QRFPR: variants seen among roughly 807,000 people sequenced by gnomAD.
The protein encoded by QRFPR is pyroglutamylated RFamide peptide receptor.
A neutral mutation model predicts 31.3 loss-of-function variants in QRFPR; 37 were observed. The ratio of observed to expected loss-of-function variants is 1.18; its 90% CI spans 0.91 to 1.56. QRFPR has a LOEUF of 1.56. Among genes scored for constraint, QRFPR ranks in the 40% most tolerant of loss-of-function variants. The pLI, the probability that QRFPR is intolerant of heterozygous loss-of-function variation, is 0.00. For missense variants in QRFPR, 542 were observed against 532.5 expected (o/e 1.02, Z -0.18); for synonymous variants, 197 against 192.0 (o/e 1.03, Z -0.22).
chr4:121,330,544 T>G, intron 4 of QRFPR, 21 bp from the exon 5 acceptor site: 1 of 1,584,022 alleles, frequency 6.3e-7, no homozygotes, highest in South Asian at 1.1e-5. Context: ...AAGGAAACAT[T>G]GTATTAGTTA....
intron 1 of QRFPR, among the ~76,000 whole-genome samples, chr4:121,363,773 A>G (rs1343443338): frequency 6.7e-6 from 1 of 149,970 alleles, no homozygotes; most frequent in African/African-American, 2.5e-5. Context: ...TCTCTCTTCC[A>G]CCCTTCACTC....
intron 1 of QRFPR, among the ~76,000 whole-genome samples, chr4:121,379,394 C>A (rs1365671599): frequency 2.0e-5 from 3 of 152,144 alleles, no homozygotes; most frequent in African/African-American, 7.2e-5. Flanking sequence ...ACATTTCTAA[C>A]CATTTTGATG....
At chr4:121,349,027 G>A (rs56151961) in intron 1 of QRFPR, among the ~76,000 whole-genome samples, 42,965 of 151,848 alleles carry the variant, frequency 0.28, 6,494 homozygotes, top group Middle Eastern at 0.38. Flanking sequence ...AACCCGGGAG[G>A]CAGAGGTTGC....
chr4:121,370,308 G>C, intron 1 of QRFPR: 1 of 773,086 alleles, frequency 1.3e-6, no homozygotes, highest in Non-Finnish European at 2.4e-6. Flanking sequence ...AGGCCCACTA[G>C]CCTCAAGAGC....
At chr4:121,360,811 C>A (rs995660582) in intron 1 of QRFPR, among the ~76,000 whole-genome samples, 2 of 152,158 alleles carry the variant, frequency 1.3e-5, no homozygotes, top group Non-Finnish European at 2.9e-5. Flanking sequence ...CCCTTTCTTT[C>A]CAACTTCATT....
At chr4:121,371,196 A>G (rs907998311) in intron 1 of QRFPR, among the ~76,000 whole-genome samples, 3 of 152,228 alleles carry the variant, frequency 2.0e-5, no homozygotes, top group Non-Finnish European at 4.4e-5. Flanking sequence ...TCTCTCTGAT[A>G]TGACAGTAAA....
rs1157880349 is a variant in QRFPR, at chr4:121,380,348, G to C, written c.300C>G (p.Pro100=). The C allele has an allele frequency of 1.2e-6, 2 of 1,614,152 alleles. No individual in the cohort carries two copies. The highest frequency in any genetic ancestry group is 2.2e-5 in the South Asian group (2 of 91,086). Residue 100 remains proline (P), a synonymous_variant, in exon 1 of 6, where the codon CCC becomes CCG. Transcript: ENST00000394427. Reference sequence around the variant, plus strand: ...CGGAAATGTTCTGGAGCATGGTGACGGGAATGCAGAAGAAGGTGATGAGCA... The same window carrying C: ...CGGAAATGTTCTGGAGCATGGTGACCGGAATGCAGAAGAAGGTGATGAGCA... The part of the protein sequence containing the change: ...SDLLITFFCI[P]VTMLQNISDN...
intron 1 of QRFPR, among the ~76,000 whole-genome samples, chr4:121,344,034 C>T (rs1376044800): frequency 3.9e-5 from 6 of 152,220 alleles, no homozygotes; most frequent in Admixed American, 3.9e-4. Flanking sequence ...ACAGCTAATA[C>T]TGGATACATT....
At chr4:121,352,650 A>G (rs540303254) in intron 1 of QRFPR, among the ~76,000 whole-genome samples, 1 of 152,210 alleles carries the variant, frequency 6.6e-6, no homozygotes, top group South Asian at 2.1e-4. Flanking sequence ...ATACAGGCAT[A>G]CAATATGTAA....
intron 3 of QRFPR, among the ~76,000 whole-genome samples, chr4:121,334,051 T>C (rs1238562593): frequency 6.6e-6 from 1 of 152,084 alleles, no homozygotes; most frequent in African/African-American, 2.4e-5. Context: ...CACTGAAAAA[T>C]AATCTCAAGA....
intron 1 of QRFPR, among the ~76,000 whole-genome samples, chr4:121,360,766 C>T (rs1264938786): frequency 6.6e-6 from 1 of 152,172 alleles, no homozygotes; most frequent in Non-Finnish European, 1.5e-5. Flanking sequence ...AACTCCTTAA[C>T]ACAGCACTAG....
At chr4:121,368,140 A>G (rs1726161735) in intron 1 of QRFPR, among the ~76,000 whole-genome samples, 1 of 149,846 alleles carries the variant, frequency 6.7e-6, no homozygotes, top group African/African-American at 2.5e-5. Context: ...CAGTAAGGTT[A>G]TGTATTGCAT....
chr4:121,362,467 C>G (rs1726012789), intron 1 of QRFPR, among the ~76,000 whole-genome samples: 1 of 149,864 alleles, frequency 6.7e-6, no homozygotes, highest in Admixed American at 6.6e-5. Flanking sequence ...TGGACATCAA[C>G]AAACTGATTC....
intron 1 of QRFPR, among the ~76,000 whole-genome samples, chr4:121,375,013 A>C (rs1469844329): frequency 6.6e-6 from 1 of 152,114 alleles, no homozygotes; most frequent in Non-Finnish European, 1.5e-5. Flanking sequence ...AGCAGGATGA[A>C]AGTGGATACA....
chr4:121,340,569 C>G lies in QRFPR; in HGVS notation c.382G>C (p.Ala128Pro). ...CKMVPFVQST[A>P]VVTEILTMTC... ...ATAGTGAGGATTTCTGTCACAACAG[C>G]GGTAGACTGGACAAATGGCACCATC... Residue 128 changes from alanine (A) to proline (P), a missense_variant, in exon 2 of 6, where the codon GCT becomes CCT. Ala to Pro is a conservative substitution (Grantham distance 27, BLOSUM62 -1). Transcript: ENST00000394427. 1.2e-6 allele frequency: 2 copies of G among 1,613,938 alleles called. No individual in the cohort carries two copies. The highest frequency in any genetic ancestry group is 1.7e-6 in the Non-Finnish European group (2 of 1,179,926).
intron 1 of QRFPR, among the ~76,000 whole-genome samples, chr4:121,343,796 T>C (rs1725593025): frequency 6.6e-6 from 1 of 152,214 alleles, no homozygotes; most frequent in African/African-American, 2.4e-5. Context: ...AAATTTTTGC[T>C]GTATTCATTT....
chr4:121,363,514 C>T (rs1014324686), intron 1 of QRFPR, among the ~76,000 whole-genome samples: 1 of 149,906 alleles, frequency 6.7e-6, no homozygotes. Context: ...GTTCCCCCAG[C>T]CCTTTTCCAA....
At chr4:121,334,426 G>A (rs1048634951) in intron 3 of QRFPR, 1 of 159,032 alleles carries the variant, frequency 6.3e-6, no homozygotes, top group Non-Finnish European at 1.4e-5. Context: ...CCCACTTCCT[G>A]TTTCATAATC....
In QRFPR at chr4:121,363,826, C is replaced by T. The variant is rs762469294; in HGVS notation, c.340+16482G>A. On this transcript the variant is annotated intron_variant, in intron 1 of 5. Coordinates refer to ENST00000394427, the MANE Select transcript of QRFPR (RefSeq NM_198179.3). Reference sequence around the variant, plus strand: ...CTTGCTGAATATTTCCCTGTACTGGCCATTTAATTATCCAGATTGTGGGGA... The same window carrying T: ...CTTGCTGAATATTTCCCTGTACTGGTCATTTAATTATCCAGATTGTGGGGA... Among the ~76,000 whole-genome samples, 3 of 149,808 alleles carry T rather than the reference C, an allele frequency of 2.0e-5. 1 individual carries two copies. In the East Asian group the frequency reaches 6.0e-4, roughly 30 times the overall value.
Sources: allele counts gnomAD v4.1 joint callset (sites outside exome capture counted in the v4.1 genomes callset), GRCh38; gene constraint gnomAD v4.1.1; transcripts MANE v1.5; gene names NCBI Gene and HGNC (gene_info 2026-07-23, HGNC 2026-07-21).